The following KIAA0513 variants were observed in gnomAD, a reference collection of about 807,000 sequenced individuals.
The protein encoded by KIAA0513 is uncharacterized protein KIAA0513.
A neutral mutation model predicts 56.5 loss-of-function variants in KIAA0513; 39 were observed. The observed-to-expected ratio is 0.69, with a 90% CI of 0.53 to 0.90. KIAA0513 has a LOEUF of 0.90. Ranked by LOEUF, KIAA0513 falls within the 40% of genes least tolerant of loss-of-function variation. KIAA0513 has a pLI of 0.00. For missense variants in KIAA0513, 591 were observed against 535.2 expected (o/e 1.10, Z -1.03); for synonymous variants, 268 against 215.6 (o/e 1.24, Z -2.13).
At chr16:85,077,674 G>A (rs745996409) in intron 6 of KIAA0513, 42 bp downstream of exon 6, 1 of 1,481,870 alleles carries the variant, frequency 6.7e-7, no homozygotes, top group Admixed American at 1.9e-5. Context: ...CAGGGGACTG[G>A]GGAGAGGCTG....
In KIAA0513 at chr16:85,067,242, GGGCGAGTCGCCCTCGCA is replaced by G. The variant is rs1169040888; in HGVS notation, c.172_188del (p.Gly58ProfsTer27). 6.2e-7 allele frequency: 1 copy of G among 1,614,126 alleles called. No homozygotes were observed. Among genetic ancestry groups the G allele is most frequent in the Admixed American group, 1.7e-5 (1 of 60,018 alleles). On this transcript the variant is annotated frameshift_variant, in exon 2 of 13. Transcript: ENST00000683363. ...AGTCTGCGGACAGTGAGAATGACAT[GGGCGAGTCGCCCTCGCA>G]CCCGTCCTGGGACCAAGACCGCCGT...
intron 1 of KIAA0513, among the ~76,000 whole-genome samples, chr16:85,037,559 C>T (rs945023258): frequency 6.6e-6 from 1 of 152,148 alleles, no homozygotes; most frequent in South Asian, 2.1e-4. Context: ...TTTTTAAAAA[C>T]TTAATTTGCA....
At chr16:85,038,766 A>G (rs977799678) in intron 1 of KIAA0513, among the ~76,000 whole-genome samples, 18 of 151,820 alleles carry the variant, frequency 1.2e-4, no homozygotes, top group East Asian at 3.9e-4. Flanking sequence ...ATTTAACTCA[A>G]TGTATCCAAA....
chr16:85,079,348 C>G, intron 8 of KIAA0513: 2 of 271,802 alleles, frequency 7.4e-6, no homozygotes, highest in East Asian at 1.4e-4. Flanking sequence ...ACACAAATGT[C>G]TGTAGCAACG....
chr16:85,065,928 G>A (rs545497356), intron 1 of KIAA0513, among the ~76,000 whole-genome samples: 1 of 152,326 alleles, frequency 6.6e-6, no homozygotes, highest in South Asian at 2.1e-4. Context: ...CTGTGAGCAT[G>A]TTCACAATCC....
chr16:85,065,155 C>T (rs944635265), intron 1 of KIAA0513, among the ~76,000 whole-genome samples: 4 of 152,170 alleles, frequency 2.6e-5, no homozygotes, highest in African/African-American at 9.7e-5. Flanking sequence ...ATTTTTAATG[C>T]CGGGCATGTT....
intron 1 of KIAA0513, among the ~76,000 whole-genome samples, chr16:85,058,059 A>T (rs2073354134): frequency 6.6e-6 from 1 of 152,164 alleles, no homozygotes; most frequent in Non-Finnish European, 1.5e-5. Context: ...GCAGAATGAC[A>T]ATTCTCCCTC....
At position 85,068,313 on chromosome 16, in the gene KIAA0513, C is replaced by T. The variant is rs533903039; in HGVS notation, c.329+913C>T. Among the ~76,000 whole-genome samples the T allele has an allele frequency of 9.9e-5, 15 of 151,972 alleles. No homozygotes were observed. The South Asian group carries it at 1.0e-3, about 11-fold the overall frequency. ...CTGGGATTACAGGTGTGCACCACCACGCCTGGCTAATTTTTGTATTTTTTT... is the reference window on the plus strand; with the variant it reads ...CTGGGATTACAGGTGTGCACCACCATGCCTGGCTAATTTTTGTATTTTTTT... On this transcript the variant is annotated intron_variant, in intron 2 of 12. Transcript: ENST00000683363.
At chr16:85,086,786 A>C in intron 11 of KIAA0513, 62 bp downstream of exon 11, 1 of 1,423,918 alleles carries the variant, frequency 7.0e-7, no homozygotes, top group Non-Finnish European at 9.7e-7. Flanking sequence ...GTGAGCTGTC[A>C]CACCTGGTAT....
chr16:85,031,476 A>AT (rs1262686585), intron 1 of KIAA0513, among the ~76,000 whole-genome samples: 1 of 152,128 alleles, frequency 6.6e-6, no homozygotes, highest in Non-Finnish European at 1.5e-5. Context: ...TAAGACCGTG[A>AT]TTATGCGAGA....
rs571779883 is a variant in KIAA0513 at position 85,047,618 on chromosome 16, G to A, written c.-172-19282G>A. On this transcript the variant is annotated intron_variant, in intron 1 of 12. Transcript: ENST00000683363. ...TGACCCCTCTGCTGGCACTGTCACT[G>A]TTGCCACCACTGCCGCTGTGGAATT... Among the ~76,000 whole-genome samples, 4 of 152,274 alleles carry A rather than the reference G, an allele frequency of 2.6e-5. No individual in the cohort carries two copies. The East Asian group carries it at 7.7e-4, about 29-fold the overall frequency.
chr16:85,066,503 G>A (rs1245611697), intron 1 of KIAA0513, among the ~76,000 whole-genome samples: 1 of 152,180 alleles, frequency 6.6e-6, no homozygotes, highest in Non-Finnish European at 1.5e-5. Flanking sequence ...GTCTTCCTCA[G>A]TAGGGAGGTT....
At chr16:85,028,390 G>T (rs1025217374) in intron 1 of KIAA0513, among the ~76,000 whole-genome samples, 2 of 152,172 alleles carry the variant, frequency 1.3e-5, no homozygotes, top group African/African-American at 4.8e-5. Flanking sequence ...TAGCAGGGTG[G>T]GGGTGAGAGA....
At chr16:85,035,604 C>T (rs1277123805) in intron 1 of KIAA0513, among the ~76,000 whole-genome samples, 3 of 152,204 alleles carry the variant, frequency 2.0e-5, no homozygotes, top group East Asian at 3.9e-4. Flanking sequence ...GATCCTCCCA[C>T]CTCAGCCTGC....
chr16:85,074,363 C>CACAT (rs56032714), intron 4 of KIAA0513, among the ~76,000 whole-genome samples: 42,109 of 150,688 alleles, frequency 0.28, 6,096 homozygotes, highest in Middle Eastern at 0.33. Flanking sequence ...CACACACACA[C>CACAT]ATATATATTT....
At chr16:85,055,337 G>C (rs531557177) in intron 1 of KIAA0513, among the ~76,000 whole-genome samples, 16 of 152,190 alleles carry the variant, frequency 1.1e-4, no homozygotes, top group African/African-American at 3.6e-4. Flanking sequence ...TAAGACACAT[G>C]TGATTTCAGA....
chr16:85,089,483 G>T lies in KIAA0513; in HGVS notation c.*1158G>T. ...TGTGGGTCTGTACCAGGTACTCCAG[G>T]CCAGCCCATGGGCCCGGGGCCTGAC... On this transcript the variant is annotated 3_prime_UTR_variant, in exon 13 of 13. Transcript: ENST00000683363. The surrounding 1 kb of genome is among the most constrained non-coding windows in gnomAD (Gnocchi z 4.2). 1 of 152,658 alleles carries T rather than the reference G, an allele frequency of 6.6e-6. No individual in the cohort carries two copies. Among genetic ancestry groups the T allele is most frequent in the Non-Finnish European group, 1.5e-5 (1 of 68,330 alleles). The allele number at this position is 152,658 out of a possible 1,614,324, so 9.5% of individuals were successfully genotyped here. A position where few individuals can be genotyped will look rare whatever the true frequency, so the allele number is the denominator to read the frequency against.
chr16:85,078,185 C>T (rs1162256375), intron 6 of KIAA0513, among the ~76,000 whole-genome samples: 15 of 152,216 alleles, frequency 9.9e-5, no homozygotes, highest in Admixed American at 9.8e-4. Context: ...TCCTCTACCC[C>T]ATTCAGCTTT....
intron 1 of KIAA0513, among the ~76,000 whole-genome samples, chr16:85,036,894 C>T (rs1285427606): frequency 2.0e-5 from 3 of 152,104 alleles, no homozygotes; most frequent in African/African-American, 4.8e-5. Context: ...GCCCGCCTTG[C>T]TCAATAGAGG....
Sources: allele counts gnomAD v4.1 joint callset (sites outside exome capture counted in the v4.1 genomes callset), GRCh38; gene constraint gnomAD v4.1.1; non-coding constraint Gnocchi (gnomAD v3.1); transcripts MANE v1.5; gene names NCBI Gene and HGNC (gene_info 2026-07-23, HGNC 2026-07-21).